Variants in DNAJC15 observed in about 807,000 individuals in gnomAD.
DNAJC15 encodes DnaJ heat shock protein family (Hsp40) member C15, also known as dnaJ homolog subfamily C member 15.
A neutral mutation model predicts 22.4 loss-of-function variants in DNAJC15; 27 were observed. That is an observed-to-expected ratio of 1.20 (90% confidence interval 0.89 to 1.66). DNAJC15 has a LOEUF of 1.66. DNAJC15 is among the 40% of genes most tolerant of loss of function. DNAJC15 has a pLI of 0.00. For missense variants in DNAJC15, 208 were observed against 187.1 expected (o/e 1.11, Z -0.65); for synonymous variants, 79 against 63.2 (o/e 1.25, Z -1.19).
chr13:43,029,533 CT>C (rs11355558), intron 1 of DNAJC15, among the ~76,000 whole-genome samples: 85,754 of 148,624 alleles, frequency 0.58, 24,601 homozygotes, highest in South Asian at 0.65. Flanking sequence ...ATTTTGGTGC[CT>C]TTTTTTTTTT....
At chr13:43,069,341 G>A (rs2040598346) in intron 3 of DNAJC15, among the ~76,000 whole-genome samples, 1 of 152,132 alleles carries the variant, frequency 6.6e-6, no homozygotes, top group Non-Finnish European at 1.5e-5. Flanking sequence ...TGTGCCAGGA[G>A]CTTGGAATAG....
intron 1 of DNAJC15, among the ~76,000 whole-genome samples, chr13:43,050,560 CTT>C (rs753079705): frequency 1.3e-5 from 2 of 151,808 alleles, no homozygotes; most frequent in Non-Finnish European, 2.9e-5. Flanking sequence ...AAAATGAAGA[CTT>C]TTATTCTTAC....
chr13:43,069,051 C>A, intron 3 of DNAJC15, 48 bp downstream of exon 3: 1 of 1,538,122 alleles, frequency 6.5e-7, no homozygotes, highest in South Asian at 1.2e-5. Flanking sequence ...GATTTTTGTT[C>A]ATATGACATA....
intron 3 of DNAJC15, among the ~76,000 whole-genome samples, chr13:43,070,494 G>C (rs985890742): frequency 6.6e-6 from 1 of 151,998 alleles, no homozygotes; most frequent in African/African-American, 2.4e-5. Flanking sequence ...ATACCTAAAA[G>C]TGTCGAGTGC....
Position 43,110,636 on chromosome 13 carries a change from A to G in DNAJC15, c.*3388A>G, listed in dbSNP as rs2040820254. The G allele has an allele frequency of 6.6e-6, 1 of 152,174 alleles. No homozygotes were observed. The highest frequency in any genetic ancestry group is 1.5e-5 in the Non-Finnish European group (1 of 68,026). 9.4% of individuals were successfully genotyped at this position (152,174 alleles called of 1,614,324 possible). On this transcript the variant is annotated 3_prime_UTR_variant, in exon 6 of 6. Coordinates refer to ENST00000379221, the MANE Select transcript of DNAJC15 (RefSeq NM_013238.3). ...CCATCCTAATCCCCAGATCTCCACA[A>G]CTATACCTACATAGTAGAAGGTTAA... is the stretch of plus-strand genomic sequence containing the variant.
intron 5 of DNAJC15, among the ~76,000 whole-genome samples, chr13:43,105,763 AC>A (rs2040793766): frequency 6.6e-6 from 1 of 152,220 alleles, no homozygotes; most frequent in African/African-American, 2.4e-5. Context: ...CGAGGACATC[AC>A]CCTGATAACT....
intron 1 of DNAJC15, among the ~76,000 whole-genome samples, chr13:43,024,363 A>C (rs1390074360): frequency 3.7e-5 from 1 of 26,984 alleles, no homozygotes; most frequent in Non-Finnish European, 6.9e-5. Context: ...TTTTTTTTTG[A>C]GACGGAGTCT....
chr13:43,030,909 G>A (rs527909376), intron 1 of DNAJC15, among the ~76,000 whole-genome samples: 6 of 152,320 alleles, frequency 3.9e-5, no homozygotes, highest in African/African-American at 7.2e-5. Context: ...GCTTGATTTC[G>A]TAGGAATGAG....
At chr13:43,082,009 C>T (rs569364843) in intron 4 of DNAJC15, among the ~76,000 whole-genome samples, 2 of 152,152 alleles carry the variant, frequency 1.3e-5, no homozygotes, top group South Asian at 4.1e-4. Flanking sequence ...TCTCATGAGA[C>T]TTAGTCACTA....
chr13:43,042,799 T>C (rs1411432536), intron 1 of DNAJC15, among the ~76,000 whole-genome samples: 1 of 152,254 alleles, frequency 6.6e-6, no homozygotes, highest in Non-Finnish European at 1.5e-5. Context: ...TTGGCCCACA[T>C]AGATTATCAA....
chr13:43,053,948 A>G (rs9533365), intron 1 of DNAJC15, among the ~76,000 whole-genome samples: 33,554 of 152,094 alleles, frequency 0.22, 4,421 homozygotes, highest in Non-Finnish European at 0.3. Flanking sequence ...TTCTAGTACT[A>G]TGTTGAATAG....
At chr13:43,081,745 A>T (rs920940668) in intron 4 of DNAJC15, among the ~76,000 whole-genome samples, 3 of 152,050 alleles carry the variant, frequency 2.0e-5, no homozygotes, top group African/African-American at 7.2e-5. Flanking sequence ...CACATTTATG[A>T]TTTTTAAGCT....
At chr13:43,036,247 C>T (rs2040428328) in intron 1 of DNAJC15, among the ~76,000 whole-genome samples, 1 of 150,472 alleles carries the variant, frequency 6.6e-6, no homozygotes, top group Admixed American at 6.6e-5. Flanking sequence ...CTCACTGCAC[C>T]TTCCACCTTC....
chr13:43,050,341 CTG>C (rs1472572950), intron 1 of DNAJC15, among the ~76,000 whole-genome samples: 1 of 151,944 alleles, frequency 6.6e-6, no homozygotes, highest in Non-Finnish European at 1.5e-5. Flanking sequence ...GGGTCTCACT[CTG>C]TCACCAAGCT....
rs965909038 is a variant in DNAJC15, at chr13:43,051,962, G to T, written c.109-13724G>T. 2.4e-4 allele frequency among the ~76,000 whole-genome samples: 37 copies of T among 151,960 alleles called. 1 individual carries two copies. Among genetic ancestry groups the T allele is most frequent in the South Asian group, 6.2e-4 (3 of 4,802 alleles). On this transcript the variant is annotated intron_variant, in intron 1 of 5. Transcript: ENST00000379221. ...TCCATGCCAACATCTATTATTTTTT[G>T]ATTATTATTATTATTTTTTTGAGAT...
At chr13:43,057,877 T>A (rs756447046) in intron 1 of DNAJC15, among the ~76,000 whole-genome samples, 2 of 152,136 alleles carry the variant, frequency 1.3e-5, no homozygotes, top group African/African-American at 2.4e-5. Flanking sequence ...CTCTTCTGGG[T>A]CTAGCCACCC....
In DNAJC15 at chr13:43,085,835, A is replaced by C. The variant is rs761890863; in HGVS notation, c.379A>C (p.Lys127Gln). The C allele has an allele frequency of 1.1e-5, 18 of 1,612,814 alleles. No individual in the cohort carries two copies. Among genetic ancestry groups the C allele is most frequent in the Admixed American group, 6.7e-5 (4 of 59,852 alleles). ...RRVMILNHPD[K>Q]GGSPYVAAKI... is the part of the protein sequence containing the mutation. ...AGTCATGATTTTGAATCACCCAGAT[A>C]AAGGTAGGTAGAATTCCTATTTTTC... is the stretch of plus-strand genomic sequence containing the variant. The change falls in exon 5 of 6, where the codon AAA becomes CAA. Residue 127 changes from lysine to glutamine, a missense_variant. Coordinates refer to ENST00000379221, the MANE Select transcript of DNAJC15 (RefSeq NM_013238.3).
intron 1 of DNAJC15, among the ~76,000 whole-genome samples, chr13:43,044,544 C>A (rs1307748912): frequency 6.6e-6 from 1 of 152,074 alleles, no homozygotes; most frequent in Non-Finnish European, 1.5e-5. Flanking sequence ...AACCTTGACT[C>A]TTCTCTTTTC....
chr13:43,027,946 C>T (rs946577738), intron 1 of DNAJC15, among the ~76,000 whole-genome samples: 3 of 152,138 alleles, frequency 2.0e-5, no homozygotes, highest in African/African-American at 4.8e-5. Flanking sequence ...GGTGAGCCAC[C>T]GCACCCGGCC....
Sources: allele counts gnomAD v4.1 joint callset (sites outside exome capture counted in the v4.1 genomes callset), GRCh38; gene constraint gnomAD v4.1.1; transcripts MANE v1.5; gene names NCBI Gene and HGNC (gene_info 2026-07-23, HGNC 2026-07-21).